Variants in INPP4B observed in about 807,000 individuals in gnomAD.
INPP4B encodes the protein inositol polyphosphate 4-phosphatase type II.
INPP4B carries 55 observed loss-of-function variants against 122.5 expected under a neutral mutation model. The ratio of observed to expected loss-of-function variants is 0.45; its 90% CI spans 0.36 to 0.56. The LOEUF (loss-of-function observed/expected upper bound fraction) is 0.56, where lower values mean the gene tolerates loss of function less well. Among genes scored for constraint, INPP4B ranks in the 20% least tolerant of loss-of-function variants. The pLI, the probability that INPP4B is intolerant of heterozygous loss-of-function variation, is 0.00. For synonymous variants in INPP4B, 403 were observed against 388.7 expected, an observed-to-expected ratio of 1.04 and a Z score of -0.43; for missense variants, 1,000 against 1,097.7, an observed-to-expected ratio of 0.91 and a Z score of 1.26.
At chr4:142,453,198 T>C (rs1468550394) in intron 3 of INPP4B, among the ~76,000 whole-genome samples, 1 of 152,144 alleles carries the variant, frequency 6.6e-6, no homozygotes, top group Non-Finnish European at 1.5e-5. Context: ...TCTAAAGAAA[T>C]GTGGCCTCAG....
intron 17 of INPP4B, among the ~76,000 whole-genome samples, chr4:142,152,700 C>T (rs1814897870): frequency 6.6e-6 from 1 of 152,130 alleles, no homozygotes; most frequent in African/African-American, 2.4e-5. Flanking sequence ...CTTAAGCAAT[C>T]TTCCTGCCTC....
intron 12 of INPP4B, among the ~76,000 whole-genome samples, chr4:142,213,415 A>G (rs1463831225): frequency 6.6e-6 from 1 of 152,132 alleles, no homozygotes; most frequent in Non-Finnish European, 1.5e-5. Flanking sequence ...GTCCATGCAT[A>G]TTCCCTGCCT....
chr4:142,158,643 A>T (rs192272141), intron 17 of INPP4B, among the ~76,000 whole-genome samples: 3 of 152,226 alleles, frequency 2.0e-5, no homozygotes, highest in South Asian at 2.1e-4. Flanking sequence ...ATTTGTTTAC[A>T]TATTTTTATC....
chr4:142,505,435 G>A (rs1823900024), intron 2 of INPP4B, among the ~76,000 whole-genome samples: 1 of 152,054 alleles, frequency 6.6e-6, no homozygotes, highest in Non-Finnish European at 1.5e-5. Flanking sequence ...GGGCTTTGGT[G>A]CTGGATAGCT....
At chr4:142,690,093 T>C (rs1759949696) in intron 2 of INPP4B, among the ~76,000 whole-genome samples, 1 of 152,182 alleles carries the variant, frequency 6.6e-6, no homozygotes, top group African/African-American at 2.4e-5. Flanking sequence ...CAAAAAGAGA[T>C]CTAGTCACCA....
intron 7 of INPP4B, among the ~76,000 whole-genome samples, chr4:142,329,422 C>A (rs987217504): frequency 6.6e-6 from 1 of 152,166 alleles, no homozygotes; most frequent in African/African-American, 2.4e-5. Context: ...AGGCAGGGCT[C>A]TGGGAACATT....
intron 22 of INPP4B, among the ~76,000 whole-genome samples, chr4:142,108,773 G>A (rs1243072774): frequency 6.6e-6 from 1 of 152,068 alleles, no homozygotes; most frequent in African/African-American, 2.4e-5. Flanking sequence ...ACCAAGAGGT[G>A]TCAAGACAAA....
chr4:142,496,314 A>G (rs972863699), intron 2 of INPP4B, among the ~76,000 whole-genome samples: 14 of 152,106 alleles, frequency 9.2e-5, no homozygotes, highest in Admixed American at 5.2e-4. Flanking sequence ...TTATTTATGT[A>G]TTCTACTGTT....
In INPP4B at chr4:142,033,668, A is replaced by ATTTT. The variant is rs5862564; in HGVS notation, c.2643-4758_2643-4755dup. Among the ~76,000 whole-genome samples the ATTTT allele has an allele frequency of 1.1e-3, 142 of 129,460 alleles. 2 individuals are homozygous for ATTTT. The highest frequency in any genetic ancestry group is 3.8e-3 in the African/African-American group (128 of 33,476). 84.9% of individuals were successfully genotyped at this position (129,460 alleles called of 152,430 possible). ...ATCTCCTAAGTAAGTTCTCCATTTCATTTTTTTTTTTTTTTTTTGAGACAG... is the reference window on the plus strand; with the variant it reads ...ATCTCCTAAGTAAGTTCTCCATTTCATTTTTTTTTTTTTTTTTTTTTTGAGACAG... On this transcript the variant is annotated intron_variant, in intron 25 of 25. Transcript: ENST00000262992.
chr4:142,334,495 G>A (rs918232943), intron 7 of INPP4B, among the ~76,000 whole-genome samples: 2 of 152,132 alleles, frequency 1.3e-5, no homozygotes, highest in South Asian at 4.1e-4. Context: ...GGGTCATATG[G>A]TAGTTCTATT....
chr4:142,115,057 A>G (rs921654535), intron 21 of INPP4B, among the ~76,000 whole-genome samples: 1 of 152,156 alleles, frequency 6.6e-6, no homozygotes, highest in Non-Finnish European at 1.5e-5. Flanking sequence ...AAGAAAGGGT[A>G]TCAGTGATGG....
intron 2 of INPP4B, among the ~76,000 whole-genome samples, chr4:142,591,915 T>C (rs894282422): frequency 8.5e-5 from 13 of 152,200 alleles, no homozygotes; most frequent in African/African-American, 2.2e-4. Flanking sequence ...TAGGGATATA[T>C]GATGATTAAA....
At chr4:142,806,827 G>A (rs1778903405) in intron 1 of INPP4B, among the ~76,000 whole-genome samples, 1 of 146,730 alleles carries the variant, frequency 6.8e-6, no homozygotes, top group South Asian at 2.2e-4. Context: ...AAGAAAGAAA[G>A]AAAGAAAGAA....
intron 1 of INPP4B, among the ~76,000 whole-genome samples, chr4:142,827,072 T>C (rs1171209761): frequency 6.6e-6 from 1 of 152,202 alleles, no homozygotes; most frequent in Non-Finnish European, 1.5e-5. Context: ...TCATTCACTT[T>C]CTAGGCCTGT....
At chr4:142,721,619 G>C (rs1032453624) in intron 2 of INPP4B, among the ~76,000 whole-genome samples, 2 of 151,930 alleles carry the variant, frequency 1.3e-5, no homozygotes, top group African/African-American at 4.8e-5. Context: ...TCAGGAGATC[G>C]ACACTATCCT....
At position 142,621,716 on chromosome 4, in the gene INPP4B, T is replaced by C. The variant is rs189908674; in HGVS notation, c.-191+104123A>G. 7.2e-5 allele frequency among the ~76,000 whole-genome samples: 11 copies of C among 151,976 alleles called. No homozygotes were observed. The South Asian group carries it at 1.4e-3, about 20-fold the overall frequency. ...GCTGAATAATGATGTGGATTAAATA[T>C]GATGTAATCACATATTCTATGTACA... is the stretch of plus-strand genomic sequence containing the variant. On this transcript the variant is annotated intron_variant, in intron 2 of 25. Transcript: ENST00000262992.
chr4:142,233,076 G>A (rs1376228959), intron 12 of INPP4B, among the ~76,000 whole-genome samples: 1 of 152,142 alleles, frequency 6.6e-6, no homozygotes, highest in Non-Finnish European at 1.5e-5. Context: ...GCTGATGGAG[G>A]ATCTGCAGCA....
At chr4:142,270,877 C>T (rs978873079) in intron 9 of INPP4B, 103 bp from the exon 10 acceptor site, 1 of 742,104 alleles carries the variant, frequency 1.3e-6, no homozygotes, top group African/African-American at 1.7e-5. Context: ...TTGTTATTTA[C>T]TTAATAAGAC....
intron 18 of INPP4B, among the ~76,000 whole-genome samples, chr4:142,137,028 A>T (rs891681942): frequency 6.6e-6 from 1 of 152,188 alleles, no homozygotes; most frequent in Non-Finnish European, 1.5e-5. Context: ...GAATTGGAAA[A>T]AACTACTTTA....
Sources: allele counts gnomAD v4.1 joint callset (sites outside exome capture counted in the v4.1 genomes callset), GRCh38; gene constraint gnomAD v4.1.1; transcripts MANE v1.5; gene names NCBI Gene and HGNC (gene_info 2026-07-23, HGNC 2026-07-21).